ENTREP2: variants seen among roughly 807,000 people sequenced by gnomAD.
The protein encoded by ENTREP2 is protein ENTREP2.
chr15:29,542,595 C>T, the ENTREP2 span, among the ~76,000 whole-genome samples: 4 of 152,212 alleles, frequency 2.6e-5, no homozygotes, highest in Admixed American at 6.5e-5. Flanking sequence ...TGAGCCACGG[C>T]GCCCGGCCCT....
chr15:29,656,660 T>C, the ENTREP2 span, among the ~76,000 whole-genome samples: 3 of 152,168 alleles, frequency 2.0e-5, no homozygotes, highest in Non-Finnish European at 2.9e-5. Context: ...GAGAGTCCAG[T>C]ACACACGTAT....
the ENTREP2 span, among the ~76,000 whole-genome samples, chr15:29,435,723 G>GTA: frequency 5.3e-5 from 8 of 151,338 alleles, no homozygotes; most frequent in Non-Finnish European, 7.4e-5. Flanking sequence ...GTGTGTGTGT[G>GTA]TATATATATA....
the ENTREP2 span, chr15:29,136,561 G>A: frequency 6.6e-7 from 1 of 1,518,096 alleles, no homozygotes; most frequent in South Asian, 1.3e-5. Flanking sequence ...AGTGCTGACA[G>A]CTCTCAAAGC....
chr15:29,256,424 T>G, the ENTREP2 span, among the ~76,000 whole-genome samples: 1 of 152,234 alleles, frequency 6.6e-6, no homozygotes, highest in African/African-American at 2.4e-5. Context: ...CTGTATCTCC[T>G]TTCAACCATG....
At chr15:29,555,711 C>T in the ENTREP2 span, among the ~76,000 whole-genome samples, 1 of 152,156 alleles carries the variant, frequency 6.6e-6, no homozygotes. Flanking sequence ...AGATGGGCAC[C>T]AGGAAGAAAG....
chr15:29,371,917 T>TAGAC, the ENTREP2 span, among the ~76,000 whole-genome samples: 4 of 85,822 alleles, frequency 4.7e-5, no homozygotes, highest in African/African-American at 8.4e-5. Context: ...AATAAATAGA[T>TAGAC]AGATAGATAG....
At chr15:29,420,282 G>A in the ENTREP2 span, among the ~76,000 whole-genome samples, 1 of 152,128 alleles carries the variant, frequency 6.6e-6, no homozygotes, top group African/African-American at 2.4e-5. Context: ...TATGTGGGAG[G>A]GGAAGTCCCT....
the ENTREP2 span, among the ~76,000 whole-genome samples, chr15:29,194,436 T>C: frequency 6.6e-6 from 1 of 152,246 alleles, no homozygotes; most frequent in South Asian, 2.1e-4. Context: ...AAGTAGGCTT[T>C]GTACACAAAT....
At chr15:29,200,183 C>A in the ENTREP2 span, among the ~76,000 whole-genome samples, 1 of 151,904 alleles carries the variant, frequency 6.6e-6, no homozygotes, top group Non-Finnish European at 1.5e-5. Flanking sequence ...TCTCCATATA[C>A]ATTTTTTTTT....
At chr15:29,604,844 G>C in the ENTREP2 span, among the ~76,000 whole-genome samples, 1 of 152,206 alleles carries the variant, frequency 6.6e-6, no homozygotes, top group Non-Finnish European at 1.5e-5. Flanking sequence ...AAGATGATGT[G>C]ACTTGGCCCC....
the ENTREP2 span, among the ~76,000 whole-genome samples, chr15:29,558,029 G>C: frequency 6.6e-6 from 1 of 152,184 alleles, no homozygotes; most frequent in Non-Finnish European, 1.5e-5. Context: ...ATGATCAAAT[G>C]AGGCTCAGAG....
chr15:29,281,348 G>A, the ENTREP2 span, among the ~76,000 whole-genome samples: 1 of 152,172 alleles, frequency 6.6e-6, no homozygotes, highest in Non-Finnish European at 1.5e-5. Context: ...TATATAATAA[G>A]TGACGGGTTT....
the ENTREP2 span, among the ~76,000 whole-genome samples, chr15:29,552,976 C>T: frequency 6.6e-6 from 1 of 152,196 alleles, no homozygotes; most frequent in Non-Finnish European, 1.5e-5. Context: ...AAAAGTAGCA[C>T]CATGTGCTTG....
the ENTREP2 span, among the ~76,000 whole-genome samples, chr15:29,367,952 A>C: frequency 4.6e-5 from 7 of 152,010 alleles, no homozygotes; most frequent in African/African-American, 1.7e-4. Context: ...TTCAACAAAA[A>C]AAAAAAAAGA....
chr15:29,571,047 G>A, the ENTREP2 span, among the ~76,000 whole-genome samples: 4 of 146,150 alleles, frequency 2.7e-5, no homozygotes, highest in African/African-American at 1.0e-4. Flanking sequence ...CTGCCGTACC[G>A]GGCGCGAGCC....
At chr15:29,414,815 A>T in the ENTREP2 span, among the ~76,000 whole-genome samples, 1 of 152,118 alleles carries the variant, frequency 6.6e-6, no homozygotes, top group Non-Finnish European at 1.5e-5. Context: ...GATAAAGGGG[A>T]TATCACCACC....
At chr15:29,145,187 C>T in the ENTREP2 span, among the ~76,000 whole-genome samples, 4 of 152,300 alleles carry the variant, frequency 2.6e-5, no homozygotes, top group Admixed American at 6.5e-5. Flanking sequence ...GGATTTATCT[C>T]GCAAATGCAA....
chr15:29,442,615 G>T, the ENTREP2 span, among the ~76,000 whole-genome samples: 1 of 152,074 alleles, frequency 6.6e-6, no homozygotes, highest in Non-Finnish European at 1.5e-5. Context: ...CCCAAATCAG[G>T]GCATGCTGTC....
the ENTREP2 span, among the ~76,000 whole-genome samples, chr15:29,342,261 T>C: frequency 6.6e-6 from 1 of 152,076 alleles, no homozygotes; most frequent in East Asian, 1.9e-4. Context: ...GGCAGGGAGG[T>C]GAGGGAAAGG....
Sources: gnomAD v4.1 joint callset for allele counts (sites outside exome capture counted in the v4.1 genomes callset) on GRCh38, gnomAD v4.1.1 for gene constraint, MANE v1.5 for transcripts, NCBI Gene and HGNC (gene_info 2026-07-23, HGNC 2026-07-21) for gene names.